Variants in CTNNA3 observed in about 807,000 individuals in gnomAD.
CTNNA3 encodes the protein catenin alpha-3.
CTNNA3 carries 76 observed loss-of-function variants against 95.7 expected under a neutral mutation model. That is an observed-to-expected ratio of 0.79 (90% CI 0.66 to 0.96). The LOEUF (loss-of-function observed/expected upper bound fraction) is 0.96, where lower values mean the gene tolerates loss of function less well. CTNNA3 is among the 40% of genes least tolerant of loss of function. The probability of loss-of-function intolerance (pLI) is 0.00; values close to 1 mark genes in which losing one functional copy is unlikely to be tolerated. For synonymous variants in CTNNA3, 431 were observed against 374.4 expected (o/e 1.15, Z -1.74); for missense variants, 1,191 against 1,089.8 (o/e 1.09, Z -1.31).
intron 11 of CTNNA3, among the ~76,000 whole-genome samples, chr10:66,475,643 C>A (rs947841346): frequency 6.6e-6 from 1 of 151,926 alleles, no homozygotes; most frequent in African/African-American, 2.4e-5. Flanking sequence ...TAGAAAAATG[C>A]AAATCTAAAC....
At chr10:66,404,782 G>GT (rs3998970) in intron 11 of CTNNA3, among the ~76,000 whole-genome samples, 20,943 of 149,132 alleles carry the variant, frequency 0.14, 1,585 homozygotes, top group East Asian at 0.3. Context: ...TTTCCTGTGG[G>GT]TTTTTTTTTT....
chr10:66,996,673 C>CAAAAAAAAAA (rs1851371155), intron 7 of CTNNA3, among the ~76,000 whole-genome samples: 1 of 69,054 alleles, frequency 1.4e-5, no homozygotes, highest in Non-Finnish European at 2.9e-5. Context: ...AAAAAAAAAG[C>CAAAAAAAAAA]ATGTTTGTGT....
chr10:66,691,524 G>T (rs549315073), intron 9 of CTNNA3, among the ~76,000 whole-genome samples: 2 of 152,066 alleles, frequency 1.3e-5, no homozygotes, highest in African/African-American at 2.4e-5. Context: ...CTCCACCTCT[G>T]GGGGCAGGGC....
chr10:67,439,957 G>A (rs1280725414), intron 5 of CTNNA3, among the ~76,000 whole-genome samples: 1 of 152,198 alleles, frequency 6.6e-6, no homozygotes, highest in African/African-American at 2.4e-5. Context: ...AAAGCATGGG[G>A]AAACGTAAAG....
chr10:65,936,593 G>A lies in CTNNA3; in HGVS notation c.2401-15976C>T, dbSNP rs1189508401. ...ATTATCATATTTCCAATTGCCTTTT[G>A]GAAATTTACACTTAGATGTGCTATA... is the stretch of plus-strand genomic sequence containing the variant. On this transcript the variant is annotated intron_variant, in intron 17 of 17. Coordinates refer to ENST00000433211, the MANE Select transcript of CTNNA3 (RefSeq NM_013266.4). Among the ~76,000 whole-genome samples the A allele has an allele frequency of 1.3e-5, 2 of 151,932 alleles. 1 individual carries two copies. The highest frequency in any genetic ancestry group is 4.2e-4 in the South Asian group (2 of 4,818).
intron 16 of CTNNA3, among the ~76,000 whole-genome samples, chr10:65,986,659 A>T (rs1038355021): frequency 6.6e-6 from 1 of 151,618 alleles, no homozygotes; most frequent in Non-Finnish European, 1.5e-5. Flanking sequence ...GATTCAGTGT[A>T]ACCCATAGAA....
At chr10:66,425,986 C>T (rs905237336) in intron 11 of CTNNA3, among the ~76,000 whole-genome samples, 3 of 152,066 alleles carry the variant, frequency 2.0e-5, no homozygotes, top group Admixed American at 1.3e-4. Flanking sequence ...ATCACTTAAT[C>T]ATCTACAATG....
At chr10:67,187,876 G>A (rs1276874808) in intron 6 of CTNNA3, among the ~76,000 whole-genome samples, 2 of 152,148 alleles carry the variant, frequency 1.3e-5, no homozygotes, top group Admixed American at 1.3e-4. Context: ...GTAAGCCACT[G>A]TGCCCAGTGT....
intron 5 of CTNNA3, among the ~76,000 whole-genome samples, chr10:67,365,920 T>C (rs1843196692): frequency 6.6e-6 from 1 of 152,222 alleles, no homozygotes; most frequent in Non-Finnish European, 1.5e-5. Flanking sequence ...TAAAGATGCA[T>C]GCGCACGTAT....
chr10:66,283,446 CA>C (rs2091529213), intron 12 of CTNNA3, among the ~76,000 whole-genome samples: 1 of 151,292 alleles, frequency 6.6e-6, no homozygotes, highest in Admixed American at 6.6e-5. Flanking sequence ...TAGATTTTGG[CA>C]AAAAAAGAAA....
chr10:67,328,315 T>C (rs73266264), intron 5 of CTNNA3, among the ~76,000 whole-genome samples: 4,011 of 152,266 alleles, frequency 0.026, 172 homozygotes, highest in African/African-American at 0.088. Context: ...GAGGCTGCTC[T>C]GCAAGCAGGT....
intron 7 of CTNNA3, among the ~76,000 whole-genome samples, chr10:67,032,070 T>C (rs903259455): frequency 6.6e-6 from 1 of 152,204 alleles, no homozygotes; most frequent in African/African-American, 2.4e-5. Flanking sequence ...GTAGGTCATG[T>C]ACATTTCATA....
chr10:67,442,262 C>G (rs1179166281), intron 5 of CTNNA3, among the ~76,000 whole-genome samples: 1 of 151,684 alleles, frequency 6.6e-6, no homozygotes, highest in Non-Finnish European at 1.5e-5. Context: ...TTAAATCATA[C>G]CACCAAAGAA....
intron 10 of CTNNA3, among the ~76,000 whole-genome samples, chr10:66,566,293 G>T (rs1181069729): frequency 6.6e-6 from 1 of 152,128 alleles, no homozygotes; most frequent in Non-Finnish European, 1.5e-5. Flanking sequence ...AGGATTTGGT[G>T]ACTGATGGGG....
At chr10:67,733,403 T>A (rs1370392298) in intron 1 of CTNNA3, among the ~76,000 whole-genome samples, 1 of 152,124 alleles carries the variant, frequency 6.6e-6, no homozygotes, top group East Asian at 1.9e-4. Context: ...GAATTCTGGG[T>A]TCCTCAACCT....
chr10:66,404,978 C>T (rs2093046522), intron 11 of CTNNA3, among the ~76,000 whole-genome samples: 1 of 151,954 alleles, frequency 6.6e-6, no homozygotes, highest in South Asian at 2.1e-4. Context: ...AAAGCCAGGG[C>T]GAGTTTGGTG....
intron 5 of CTNNA3, among the ~76,000 whole-genome samples, chr10:67,311,947 A>G (rs1840819666): frequency 6.6e-6 from 1 of 151,562 alleles, no homozygotes; most frequent in Non-Finnish European, 1.5e-5. Flanking sequence ...CTTTTTAGTC[A>G]CACACACACA....
At chr10:67,362,188 G>T (rs530483341) in intron 5 of CTNNA3, among the ~76,000 whole-genome samples, 1 of 151,894 alleles carries the variant, frequency 6.6e-6, no homozygotes, top group Admixed American at 6.6e-5. Flanking sequence ...TTCTACCAGG[G>T]ATACAAAAAA....
intron 7 of CTNNA3, among the ~76,000 whole-genome samples, chr10:67,079,858 A>AACACACACACACACAC (rs199928311): frequency 1.4e-5 from 2 of 141,266 alleles, no homozygotes; most frequent in Non-Finnish European, 3.0e-5. Context: ...AAAAAAACAA[A>AACACACACACACACAC]ACACACACAC....
Sources: allele counts gnomAD v4.1 joint callset (sites outside exome capture counted in the v4.1 genomes callset), GRCh38; gene constraint gnomAD v4.1.1; transcripts MANE v1.5; gene names NCBI Gene and HGNC (gene_info 2026-07-23, HGNC 2026-07-21).